The following SNTG2 variants were observed in gnomAD, a reference collection of about 807,000 sequenced individuals.
The protein encoded by SNTG2 is syntrophin gamma 2.
A neutral mutation model predicts 70.9 loss-of-function variants in SNTG2; 74 were observed. The ratio of observed to expected loss-of-function variants is 1.04; its 90% CI spans 0.86 to 1.27. SNTG2 has a LOEUF of 1.27. SNTG2 is among the 50% of genes most tolerant of loss of function. The pLI is 0.00. For synonymous variants in SNTG2, 278 were observed against 273.8 expected (o/e 1.02, Z -0.15); for missense variants, 717 against 690.7 (o/e 1.04, Z -0.43).
chr2:1,063,178 AC>A (rs1662934200), intron 1 of SNTG2, among the ~76,000 whole-genome samples: 1 of 152,200 alleles, frequency 6.6e-6, no homozygotes, highest in South Asian at 2.1e-4. Context: ...AAAGAAGCAT[AC>A]TTTTTTTTAA....
chr2:968,688 T>A (rs1340297836), intron 1 of SNTG2, among the ~76,000 whole-genome samples: 1 of 152,230 alleles, frequency 6.6e-6, no homozygotes, highest in Admixed American at 6.5e-5. Flanking sequence ...TGTCTGTTCA[T>A]GTCCTTTAAC....
intron 6 of SNTG2, 150 bp from the exon 7 acceptor site, chr2:1,165,398 C>A (rs1036839614): frequency 7.0e-6 from 5 of 715,694 alleles, no homozygotes. Flanking sequence ...TTCTTTACTC[C>A]AGCTGAAGCC....
In SNTG2 at chr2:1,137,621, G is replaced by A; in HGVS notation, c.326-1G>A. On this transcript the variant is annotated splice_acceptor_variant, in intron 4 of 16. Transcript: ENST00000308624. LOFTEE classifies it high-confidence loss of function. ...CTGTTGCCACTTTTGCCACCCTGCA[G>A]CTGACCAGACAGGGATGTTGTTCGT... 6.2e-7 allele frequency: 1 copy of A among 1,613,042 alleles called. No individual in the cohort carries two copies. Among genetic ancestry groups the A allele is most frequent in the Non-Finnish European group, 8.5e-7 (1 of 1,179,660 alleles).
At chr2:1,009,625 GGTGGGT>G (rs1659668149) in intron 1 of SNTG2, among the ~76,000 whole-genome samples, 1 of 47,832 alleles carries the variant, frequency 2.1e-5, no homozygotes, top group Non-Finnish European at 4.9e-5. Context: ...TTCTGATACT[GGTGGGT>G]CGTGTGTATG....
At chr2:1,273,878 T>A (rs1359613762) in intron 14 of SNTG2, among the ~76,000 whole-genome samples, 1 of 151,910 alleles carries the variant, frequency 6.6e-6, no homozygotes, top group Non-Finnish European at 1.5e-5. Context: ...ATATGAAAAC[T>A]GGGAGAAAAT....
chr2:1,293,911 G>A lies in SNTG2; in HGVS notation c.1285-14583G>A, dbSNP rs570982146. On this transcript the variant is annotated intron_variant, in intron 14 of 16. Coordinates refer to ENST00000308624, the MANE Select transcript of SNTG2 (RefSeq NM_018968.4). ...TGTAATAGTGCCATTTGGTTGATCC[G>A]AAACTGGAACCCAGAACAGTCCTCT... Among the ~76,000 whole-genome samples, 80 of 152,200 alleles carry A rather than the reference G, an allele frequency of 5.3e-4. No homozygotes were observed. The South Asian group carries it at 0.015, about 28-fold the overall frequency.
intron 14 of SNTG2, among the ~76,000 whole-genome samples, chr2:1,288,261 G>C (rs1454909332): frequency 6.6e-6 from 1 of 152,114 alleles, no homozygotes; most frequent in African/African-American, 2.4e-5. Flanking sequence ...GCACAGATCT[G>C]ACATCATATC....
intron 1 of SNTG2, among the ~76,000 whole-genome samples, chr2:980,567 A>G (rs1329673584): frequency 1.3e-5 from 2 of 152,212 alleles, no homozygotes; most frequent in African/African-American, 4.8e-5. Context: ...TACCAAGAAT[A>G]CAATGATTTC....
At chr2:1,249,161 C>T (rs1474745757) in intron 12 of SNTG2, among the ~76,000 whole-genome samples, 1 of 152,160 alleles carries the variant, frequency 6.6e-6, no homozygotes, top group Non-Finnish European at 1.5e-5. Flanking sequence ...CTGAAGGCCC[C>T]TCATTTTAGT....
chr2:1,052,963 G>A (rs1301552905), intron 1 of SNTG2, among the ~76,000 whole-genome samples: 1 of 152,212 alleles, frequency 6.6e-6, no homozygotes, highest in African/African-American at 2.4e-5. Flanking sequence ...TGGATCTGTG[G>A]TGATTTGTGA....
intron 1 of SNTG2, among the ~76,000 whole-genome samples, chr2:1,058,781 C>T (rs1220775685): frequency 6.6e-6 from 1 of 152,210 alleles, no homozygotes; most frequent in Non-Finnish European, 1.5e-5. Flanking sequence ...TCTGGTTGTA[C>T]CTAACTAATG....
intron 2 of SNTG2, among the ~76,000 whole-genome samples, chr2:1,085,514 A>C (rs2148178215): frequency 6.6e-6 from 1 of 152,336 alleles, no homozygotes; most frequent in Admixed American, 6.5e-5. Context: ...GACAACATTA[A>C]CGGATAGATG....
At chr2:1,217,166 TC>T (rs1165285176) in intron 9 of SNTG2, among the ~76,000 whole-genome samples, 4 of 152,164 alleles carry the variant, frequency 2.6e-5, no homozygotes, top group Admixed American at 2.6e-4. Flanking sequence ...CATACTGAAG[TC>T]TAATTCATTT....
intron 11 of SNTG2, among the ~76,000 whole-genome samples, chr2:1,240,548 T>C (rs1195829573): frequency 6.6e-6 from 1 of 152,258 alleles, no homozygotes; most frequent in African/African-American, 2.4e-5. Context: ...TAAGGAAGCA[T>C]GCATCATAGC....
chr2:1,182,568 G>A (rs1267983215), intron 8 of SNTG2, among the ~76,000 whole-genome samples: 3 of 152,110 alleles, frequency 2.0e-5, no homozygotes, highest in African/African-American at 2.4e-5. Flanking sequence ...TCTGCAATCC[G>A]AGAGGAAAGA....
At chr2:1,110,113 G>C (rs767746854) in intron 4 of SNTG2, among the ~76,000 whole-genome samples, 1 of 152,132 alleles carries the variant, frequency 6.6e-6, no homozygotes, top group African/African-American at 2.4e-5. Context: ...GGGAAGGAAA[G>C]GGAACACAAA....
At chr2:1,239,973 T>G (rs995282716) in intron 11 of SNTG2, among the ~76,000 whole-genome samples, 197 bp downstream of exon 11, 5 of 152,202 alleles carry the variant, frequency 3.3e-5, no homozygotes, top group Non-Finnish European at 5.9e-5. Flanking sequence ...ATAAAACTGC[T>G]CTTTCTGTGG....
At chr2:1,084,659 A>G (rs1340332174) in intron 2 of SNTG2, among the ~76,000 whole-genome samples, 2 of 152,156 alleles carry the variant, frequency 1.3e-5, no homozygotes, top group African/African-American at 4.8e-5. Context: ...AAAATCCCCA[A>G]GCTGGGTAAT....
chr2:1,355,563 A>G (rs953198764), intron 16 of SNTG2, among the ~76,000 whole-genome samples: 1 of 152,182 alleles, frequency 6.6e-6, no homozygotes, highest in Non-Finnish European at 1.5e-5. Context: ...TGCATACACC[A>G]TACTTCTTTA....
Sources: gnomAD v4.1 joint callset for allele counts (sites outside exome capture counted in the v4.1 genomes callset) on GRCh38, gnomAD v4.1.1 for gene constraint, MANE v1.5 for transcripts, NCBI Gene and HGNC (gene_info 2026-07-23, HGNC 2026-07-21) for gene names.